The following EPB41L3 variants were observed in gnomAD, a reference collection of about 807,000 sequenced individuals.
EPB41L3 encodes erythrocyte membrane protein band 4.1 like 3, also known as band 4.1-like protein 3.
In EPB41L3, 57 loss-of-function variants were observed where a neutral mutation model predicts 127.1. That is an observed-to-expected ratio of 0.45 (90% CI 0.36 to 0.56). The LOEUF (loss-of-function observed/expected upper bound fraction) is 0.56. Among genes scored for constraint, EPB41L3 ranks in the 20% least tolerant of loss-of-function variants. The probability of loss-of-function intolerance (pLI) is 0.00; values close to 1 mark genes in which losing one functional copy is unlikely to be tolerated. For synonymous variants in EPB41L3, 572 were observed against 549.5 expected (o/e 1.04, Z -0.57); for missense variants, 1,273 against 1,372.2 (o/e 0.93, Z 1.14).
intron 9 of EPB41L3, among the ~76,000 whole-genome samples, chr18:5,426,426 G>A (rs928288551): frequency 2.0e-5 from 3 of 152,018 alleles, no homozygotes; most frequent in African/African-American, 7.3e-5. Context: ...TGCTGCTTCT[G>A]CCTCTGAAAC....
rs188562881 is a variant in EPB41L3 at position 5,446,777 on chromosome 18, T to C, written c.382-1533A>G. Among the ~76,000 whole-genome samples, 675 of 152,312 alleles carry C rather than the reference T, an allele frequency of 4.4e-3. 1 individual carries two copies. The highest frequency in any genetic ancestry group is 0.018 in the South Asian group (87 of 4,826). ...GATGTATTTGGAAAAAACAGTTCCA[T>C]AAAGTATTATGAAAATAAATTACTC... On this transcript the variant is annotated intron_variant, in intron 3 of 22. Coordinates refer to ENST00000341928, the MANE Select transcript of EPB41L3 (RefSeq NM_012307.5).
At chr18:5,621,041 G>A (rs2094855194) in intron 1 of EPB41L3, among the ~76,000 whole-genome samples, 1 of 152,256 alleles carries the variant, frequency 6.6e-6, no homozygotes, top group South Asian at 2.1e-4. Context: ...GGCCACAGGT[G>A]TCAATGGTCC....
At chr18:5,518,581 T>A (rs1302683382) in intron 1 of EPB41L3, 2 of 152,216 alleles carry the variant, frequency 1.3e-5, no homozygotes, top group Admixed American at 1.3e-4. Context: ...TTCTCTTCCA[T>A]CTTCAGTCCT....
chr18:5,508,057 A>G (rs2092313773), intron 1 of EPB41L3: 1 of 152,218 alleles, frequency 6.6e-6, no homozygotes, highest in Non-Finnish European at 1.5e-5. Flanking sequence ...AGGGACAAGG[A>G]GTTCAGACAA....
At chr18:5,428,939 C>T (rs7240261) in intron 8 of EPB41L3, among the ~76,000 whole-genome samples, 84,622 of 152,050 alleles carry the variant, frequency 0.56, 23,410 homozygotes, top group African/African-American at 0.57. Context: ...CACTCTTAAC[C>T]AACACGTATG....
At chr18:5,500,979 A>C (rs1468560953) in intron 1 of EPB41L3, among the ~76,000 whole-genome samples, 2 of 152,158 alleles carry the variant, frequency 1.3e-5, no homozygotes, top group Non-Finnish European at 2.9e-5. Flanking sequence ...TGAGAACAAG[A>C]AAGAAAACAA....
At position 5,504,878 on chromosome 18, in the gene EPB41L3, A is replaced by G. The variant is rs971525826; in HGVS notation, c.-11-15684T>C. ...ATGACCCAATGACCTGCAGTGCTCC[A>G]GGTGCTGAGTGAGCTTCTAAGTCTC... On this transcript the variant is annotated intron_variant, in intron 1 of 22. Coordinates refer to ENST00000341928, the MANE Select transcript of EPB41L3 (RefSeq NM_012307.5). Among the ~76,000 whole-genome samples the G allele has an allele frequency of 3.3e-5, 5 of 152,134 alleles. No individual in the cohort carries two copies. In the East Asian group the frequency reaches 9.7e-4, roughly 29 times the overall value.
intron 3 of EPB41L3, among the ~76,000 whole-genome samples, chr18:5,558,958 G>C (rs2094081134): frequency 6.6e-6 from 1 of 152,134 alleles, no homozygotes; most frequent in Non-Finnish European, 1.5e-5. Context: ...TGAATATTAT[G>C]AGTATTTTCC....
intron 3 of EPB41L3, among the ~76,000 whole-genome samples, chr18:5,553,668 A>C (rs1160544161): frequency 1.3e-5 from 2 of 152,350 alleles, no homozygotes; most frequent in East Asian, 1.9e-4. Context: ...CCTTCAGGAC[A>C]TACCCAGAAT....
intron 9 of EPB41L3, among the ~76,000 whole-genome samples, chr18:5,426,373 T>C (rs1197411586): frequency 6.6e-6 from 1 of 152,108 alleles, no homozygotes; most frequent in African/African-American, 2.4e-5. Flanking sequence ...TATCCTGGAC[T>C]TTTCCCTCTT....
At chr18:5,468,387 CCT>C (rs1389615658) in intron 3 of EPB41L3, among the ~76,000 whole-genome samples, 13 of 152,290 alleles carry the variant, frequency 8.5e-5, no homozygotes, top group African/African-American at 2.6e-4. Flanking sequence ...TCCGCGGCCC[CCT>C]GAGTGATAAC....
chr18:5,585,144 CTT>C (rs1360771007), intron 3 of EPB41L3, among the ~76,000 whole-genome samples: 14 of 152,298 alleles, frequency 9.2e-5, no homozygotes, highest in Admixed American at 2.6e-4. Context: ...CTTTTGCTCT[CTT>C]TGAGTTCTTC....
chr18:5,506,102 G>A (rs906877452), intron 1 of EPB41L3, among the ~76,000 whole-genome samples: 7 of 151,152 alleles, frequency 4.6e-5, no homozygotes, highest in South Asian at 2.1e-4. Context: ...CCTTCTCCTC[G>A]CCTACCACCT....
intron 1 of EPB41L3, among the ~76,000 whole-genome samples, chr18:5,535,718 T>C (rs763545253): frequency 6.6e-6 from 1 of 152,100 alleles, no homozygotes; most frequent in African/African-American, 2.4e-5. Flanking sequence ...TCTCCCCAAA[T>C]TGGTGAATGA....
intron 3 of EPB41L3, among the ~76,000 whole-genome samples, chr18:5,459,955 G>A (rs1175160368): frequency 6.6e-6 from 1 of 152,072 alleles, no homozygotes; most frequent in Non-Finnish European, 1.5e-5. Flanking sequence ...TGTTATATTG[G>A]GATATTGCAT....
At chr18:5,629,839 G>C (rs1211094482), upstream of EPB41L3, among the ~76,000 whole-genome samples, 8 of 152,222 alleles carry the variant, frequency 5.3e-5, no homozygotes, top group Admixed American at 5.2e-4. Context: ...GGCGAGGGCG[G>C]GGAGGGGAGT....
At chr18:5,609,727 CA>C (rs1448606206) in intron 3 of EPB41L3, among the ~76,000 whole-genome samples, 3 of 152,044 alleles carry the variant, frequency 2.0e-5, no homozygotes, top group Admixed American at 6.6e-5. Flanking sequence ...GCATCTGCCA[CA>C]AATGGTAAAT....
chr18:5,609,424 T>A (rs947627714), intron 3 of EPB41L3, among the ~76,000 whole-genome samples: 14 of 152,232 alleles, frequency 9.2e-5, no homozygotes, highest in Non-Finnish European at 2.1e-4. Context: ...TTCTGCATTC[T>A]ATAGCAAGAA....
chr18:5,491,319 G>A lies in EPB41L3; in HGVS notation c.-11-2125C>T, dbSNP rs2090570332. ...CCATGACCCACCTACTCTGGACTGT[G>A]ACGTAAGGCAGAAATCAACAACTTT... On this transcript the variant is annotated intron_variant, in intron 1 of 22. Transcript: ENST00000341928. 3.9e-5 allele frequency among the ~76,000 whole-genome samples: 6 copies of A among 152,202 alleles called. No homozygotes were observed. In the South Asian group the frequency reaches 1.2e-3, roughly 32 times the overall value.
Sources: allele counts gnomAD v4.1 joint callset (sites outside exome capture counted in the v4.1 genomes callset), GRCh38; gene constraint gnomAD v4.1.1; transcripts MANE v1.5; gene names NCBI Gene and HGNC (gene_info 2026-07-23, HGNC 2026-07-21).